TMEM201: variants seen among roughly 807,000 people sequenced by gnomAD.
The protein encoded by TMEM201 is transmembrane protein 201.
In TMEM201, 26 loss-of-function variants were observed where a neutral mutation model predicts 63.4. The observed-to-expected ratio is 0.41, with a 90% CI of 0.30 to 0.57. The LOEUF is 0.57. Among genes scored for constraint, TMEM201 ranks in the 20% least tolerant of loss-of-function variants. The pLI is 0.29. For missense variants in TMEM201, 794 were observed against 917.7 expected (o/e 0.87, Z 1.74); for synonymous variants, 417 against 421.6 (o/e 0.99, Z 0.14).
At chr1:9,592,403 T>C (rs979317730) in intron 1 of TMEM201, among the ~76,000 whole-genome samples, 4 of 152,206 alleles carry the variant, frequency 2.6e-5, no homozygotes, top group African/African-American at 9.7e-5. Flanking sequence ...GGCCCCTGTC[T>C]GAGGAGGTGA....
chr1:9,604,068 C>A lies in TMEM201; in HGVS notation c.1160+1796C>A, dbSNP rs926824305. 8 of 985,350 alleles carry A rather than the reference C, an allele frequency of 8.1e-6. No homozygotes were observed. Among genetic ancestry groups the A allele is most frequent in the Non-Finnish European group, 9.6e-6 (8 of 829,974 alleles). 61.0% of individuals were successfully genotyped at this position (985,350 alleles called of 1,614,324 possible). On this transcript the variant is annotated intron_variant, in intron 6 of 10. Transcript: ENST00000340381. This position sits in a 1 kb window ranked among gnomAD's most constrained non-coding sequence, Gnocchi z 4.1. ...ACCCCCCAGCCCACAAAGAGCCCAT[C>A]TGAGAGAAGGACGTGGTGGAGCCAG... is the stretch of plus-strand genomic sequence containing the variant.
Position 9,610,676 on chromosome 1 carries a change from C to G in TMEM201, c.1636C>G (p.Pro546Ala). The change falls in exon 9 of 11, where the codon CCC (proline) becomes GCC (alanine). Residue 546 changes from proline (P) to alanine (A), a missense_variant. Coordinates refer to ENST00000340381, the MANE Select transcript of TMEM201 (RefSeq NM_001130924.3). The surrounding 1 kb of genome is among the most constrained non-coding windows in gnomAD (Gnocchi z 4.9). ...KGQKLLLFPS[P>A]PGEAPTTPSS... ...ACAGAAGCTGCTGCTGTTCCCGTCA[C>G]CCCCTGGAGAGGCCCCCACCACGCC... 1 of 1,550,620 alleles carries G rather than the reference C, an allele frequency of 6.4e-7. No homozygotes were observed.
Position 9,603,796 on chromosome 1 carries a change from G to A in TMEM201, c.1160+1524G>A. On this transcript the variant is annotated intron_variant, in intron 6 of 10. Transcript: ENST00000340381. The surrounding 1 kb of genome is among the most constrained non-coding windows in gnomAD (Gnocchi z 4.5). ...AGTGAGGAACCCAGGTGCATCGGGA[G>A]ACCCTCGGGGGCTTCTGTGGCCTCT... 1.0e-6 allele frequency: 1 copy of A among 985,466 alleles called. No homozygotes were observed. Among genetic ancestry groups the A allele is most frequent in the Non-Finnish European group, 1.2e-6 (1 of 829,938 alleles). The allele number at this position is 985,466 out of a possible 1,614,324, so 61.0% of individuals were successfully genotyped here.
chr1:9,595,830 G>T (rs771571213), intron 1 of TMEM201, 60 bp from the exon 2 acceptor site: 58 of 1,605,208 alleles, frequency 3.6e-5, no homozygotes, highest in Non-Finnish European at 4.8e-5. Context: ...GGGCATGGAG[G>T]TCCCTCTCCA....
chr1:9,600,486 T>C lies in TMEM201; in HGVS notation c.607-619T>C, dbSNP rs78963270. On this transcript the variant is annotated intron_variant, in intron 4 of 10. Transcript: ENST00000340381. ...ACAGGAGGGCCACCCCTAAAACCCA[T>C]GCTCAGATACGCACATAATAAACGC... 1.1e-4 allele frequency among the ~76,000 whole-genome samples: 16 copies of C among 152,304 alleles called. No individual in the cohort carries two copies. In the East Asian group the frequency reaches 1.2e-3, roughly 11 times the overall value.
At position 9,612,583 on chromosome 1, in the gene TMEM201, G is replaced by A. The variant is rs148536707; in HGVS notation, c.1904-403G>A. Among the ~76,000 whole-genome samples, 13 of 152,340 alleles carry A rather than the reference G, an allele frequency of 8.5e-5. No individual in the cohort carries two copies. In the East Asian group the frequency reaches 1.9e-3, roughly 23 times the overall value. ...GCAGCTTGGAGGCCTTGGTGAGAAC[G>A]CAGGCTGCGGCATGCAGCAGGTGGA... On this transcript the variant is annotated intron_variant, in intron 10 of 10. Transcript: ENST00000340381.
chr1:9,593,885 G>A (rs1256326250), intron 1 of TMEM201, among the ~76,000 whole-genome samples: 1 of 152,244 alleles, frequency 6.6e-6, no homozygotes, highest in Non-Finnish European at 1.5e-5. Context: ...CCCATGCACA[G>A]TTACAAAGAA....
At chr1:9,590,030 G>A (rs1361954427) in intron 1 of TMEM201, among the ~76,000 whole-genome samples, 2 of 152,162 alleles carry the variant, frequency 1.3e-5, no homozygotes, top group Admixed American at 6.5e-5. Context: ...CTCCAGGGGG[G>A]AAACGGGGAA....
chr1:9,598,711 A>G, intron 4 of TMEM201, 86 bp downstream of exon 4: 1 of 1,342,636 alleles, frequency 7.4e-7, no homozygotes, highest in Non-Finnish European at 1.0e-6. Flanking sequence ...TAGTGACCAG[A>G]GGGTAGCTCT....
In TMEM201 at chr1:9,602,061, C is replaced by T. The variant is rs1569938894; in HGVS notation, c.957-8C>T. On this transcript the variant is annotated splice_region_variant and splice_polypyrimidine_tract_variant and intron_variant, in intron 5 of 10. Transcript: ENST00000340381. ...TCCCCTGGGGTGACCCCGCTGCTTC[C>T]CTTTCAGGCTCCGGAGGATCGATGC... is the stretch of plus-strand genomic sequence containing the variant. 1.2e-6 allele frequency: 2 copies of T among 1,608,252 alleles called. No homozygotes were observed. Among genetic ancestry groups the T allele is most frequent in the African/African-American group, 2.7e-5 (2 of 74,834 alleles).
chr1:9,608,931 A>T lies in TMEM201; in HGVS notation c.1394-909A>T, dbSNP rs149217946. ...GGTCGGGGGGAGGAGCCCGGTCTCCATCGCCAGAGGGTGGGTCGGGGGCAG... is the reference window on the plus strand; with the variant it reads ...GGTCGGGGGGAGGAGCCCGGTCTCCTTCGCCAGAGGGTGGGTCGGGGGCAG... On this transcript the variant is annotated intron_variant, in intron 7 of 10. Coordinates refer to ENST00000340381, the MANE Select transcript of TMEM201 (RefSeq NM_001130924.3). This position sits in a 1 kb window ranked among gnomAD's most constrained non-coding sequence, Gnocchi z 4.3. 4.1e-3 allele frequency among the ~76,000 whole-genome samples: 628 copies of T among 152,208 alleles called. 3 individuals are homozygous for T. The highest frequency in any genetic ancestry group is 0.011 in the South Asian group (54 of 4,818).
rs547915330 is a variant in TMEM201 at position 9,608,544 on chromosome 1, C to T, written c.1393+755C>T. Among the ~76,000 whole-genome samples, 3 of 152,316 alleles carry T rather than the reference C, an allele frequency of 2.0e-5. No homozygotes were observed. In the East Asian group the frequency reaches 5.8e-4, roughly 29 times the overall value. ...CTTTTCCCCTAAGCAGAGATACCCCCCTATTTTCAGGGCACCCCAGCCTGG... is the reference window on the plus strand; with the variant it reads ...CTTTTCCCCTAAGCAGAGATACCCCTCTATTTTCAGGGCACCCCAGCCTGG... On this transcript the variant is annotated intron_variant, in intron 7 of 10. Coordinates refer to ENST00000340381, the MANE Select transcript of TMEM201 (RefSeq NM_001130924.3). This position sits in a 1 kb window ranked among gnomAD's most constrained non-coding sequence, Gnocchi z 4.3.
At chr1:9,592,787 G>A (rs1254069885) in intron 1 of TMEM201, among the ~76,000 whole-genome samples, 1 of 152,170 alleles carries the variant, frequency 6.6e-6, no homozygotes, top group East Asian at 1.9e-4. Context: ...TCTCCCTCCG[G>A]GCTTCCTCAG....
chr1:9,592,239 G>A (rs1038581629), intron 1 of TMEM201, among the ~76,000 whole-genome samples: 9 of 152,198 alleles, frequency 5.9e-5, no homozygotes, highest in East Asian at 1.9e-4. Context: ...AATGAAACAC[G>A]GTGTTGCCCA....
In TMEM201 at chr1:9,613,299, C is replaced by T. The variant is rs1644350359; in HGVS notation, c.*216C>T. 1.7e-6 allele frequency: 1 copy of T among 586,602 alleles called. No homozygotes were observed. Among genetic ancestry groups the T allele is most frequent in the Non-Finnish European group, 3.0e-6 (1 of 328,690 alleles). 36.3% of individuals were successfully genotyped at this position (586,602 alleles called of 1,614,324 possible). ...TGAGGTCACACTCTCTGCCCACTCA[C>T]CTCCTTGGCTGACATCGGTTGTGTT... On this transcript the variant is annotated 3_prime_UTR_variant, in exon 11 of 11. Coordinates refer to ENST00000340381, the MANE Select transcript of TMEM201 (RefSeq NM_001130924.3).
rs1174232346 is a variant in TMEM201, at chr1:9,613,393, C to G, written c.*310C>G. 2.3e-6 allele frequency: 1 copy of G among 437,772 alleles called. No homozygotes were observed. The highest frequency in any genetic ancestry group is 4.2e-6 in the Non-Finnish European group (1 of 239,692). The allele number at this position is 437,772 out of a possible 1,614,324, so 27.1% of individuals were successfully genotyped here. On this transcript the variant is annotated 3_prime_UTR_variant, in exon 11 of 11. Coordinates refer to ENST00000340381, the MANE Select transcript of TMEM201 (RefSeq NM_001130924.3). ...CTGCATGACCCTGGGGTGCCCCACA[C>G]AGTTCAGCCCTGCCTGGCAGGGACG...
In TMEM201 at chr1:9,596,902, A is replaced by G. The variant is rs762350739; in HGVS notation, c.278A>G (p.His93Arg). The change falls in exon 3 of 11, where the codon CAC (histidine) becomes CGC (arginine). Residue 93 changes from histidine to arginine, a missense_variant. His to Arg is a conservative substitution (Grantham distance 29). Transcript: ENST00000340381. ...NKPIPAQYLE[H>R]LNHVVSSAPS... ...CCGATCCCCGCCCAGTACTTGGAGC[A>G]CCTGAACCACGTGGTGAGCAGCGCG... 1.9e-6 allele frequency: 3 copies of G among 1,609,240 alleles called. No individual in the cohort carries two copies. The highest frequency in any genetic ancestry group is 2.5e-6 in the Non-Finnish European group (3 of 1,176,834).
Position 9,604,734 on chromosome 1 carries a change from G to C in TMEM201, c.1160+2462G>C. 1 of 985,982 alleles carries C rather than the reference G, an allele frequency of 1.0e-6. No individual in the cohort carries two copies. The highest frequency in any genetic ancestry group is 1.2e-6 in the Non-Finnish European group (1 of 830,038). The allele number at this position is 985,982 out of a possible 1,614,324, so 61.1% of individuals were successfully genotyped here. A position where few individuals can be genotyped will look rare whatever the true frequency, so the allele number is the denominator to read the frequency against. ...CCCTTGCCTGGGAGCAAACCGCCAG[G>C]ACGCAGCCTCCACGCCGCACCTGCC... On this transcript the variant is annotated intron_variant, in intron 6 of 10. Coordinates refer to ENST00000340381, the MANE Select transcript of TMEM201 (RefSeq NM_001130924.3). The surrounding 1 kb of genome is among the most constrained non-coding windows in gnomAD (Gnocchi z 4.1).
intron 1 of TMEM201, among the ~76,000 whole-genome samples, chr1:9,590,323 C>G (rs1290054340): frequency 1.3e-5 from 2 of 152,216 alleles, no homozygotes; most frequent in Admixed American, 6.5e-5. Context: ...ATTCCCAGAG[C>G]ATGTTGCCAG....
Sources: allele counts gnomAD v4.1 joint callset (sites outside exome capture counted in the v4.1 genomes callset), GRCh38; gene constraint gnomAD v4.1.1; non-coding constraint Gnocchi (gnomAD v3.1); transcripts MANE v1.5; gene names NCBI Gene and HGNC (gene_info 2026-07-23, HGNC 2026-07-21).